Variants in CUL3 observed in about 807,000 individuals in gnomAD.
CUL3 encodes the protein cullin 3, also known as cullin-3.
A neutral mutation model predicts 89.1 loss-of-function variants in CUL3; 19 were observed. The ratio of observed to expected loss-of-function variants is 0.21; its 90% CI spans 0.15 to 0.31. The LOEUF is 0.31. CUL3 is among the 10% of genes least tolerant of loss of function. The pLI is 1.00. For synonymous variants in CUL3, 351 were observed against 308.4 expected (o/e 1.14, Z -1.45); for missense variants, 469 against 942.3 (o/e 0.50, Z 6.58).
chr2:224,505,847 A>C (rs1209388020), intron 8 of CUL3, 109 bp downstream of exon 8: 3 of 661,944 alleles, frequency 4.5e-6, no homozygotes, highest in Non-Finnish European at 7.0e-6. Context: ...CCATTTAAGC[A>C]CAGCAATGGG....
chr2:224,494,219 CTATTT>C (rs1298864887), intron 13 of CUL3, among the ~76,000 whole-genome samples: 1 of 152,072 alleles, frequency 6.6e-6, no homozygotes, highest in Non-Finnish European at 1.5e-5. Context: ...TTCAAACACA[CTATTT>C]TTTTTCTTGT....
intron 1 of CUL3, among the ~76,000 whole-genome samples, chr2:224,577,224 T>A (rs1351403018): frequency 2.0e-5 from 3 of 152,336 alleles, no homozygotes; most frequent in East Asian, 3.9e-4. Context: ...ATTAGCAGTC[T>A]CATTTTACAC....
chr2:224,559,055 C>CA lies in CUL3; in HGVS notation c.67-1200dup, dbSNP rs34682538. Among the ~76,000 whole-genome samples, 216 of 140,864 alleles carry CA rather than the reference C, an allele frequency of 1.5e-3. 1 individual carries two copies. Among genetic ancestry groups the CA allele is most frequent in the Middle Eastern group, 7.5e-3 (2 of 266 alleles). 92.4% of individuals were successfully genotyped at this position (140,864 alleles called of 152,430 possible). A position where few individuals can be genotyped will look rare whatever the true frequency, so the allele number is the denominator to read the frequency against. ...TGGGCAACAGAGCAAGACTCTGTCT[C>CA]AAAAAAAAAAAGAAAGAAAACTCCT... On this transcript the variant is annotated intron_variant, in intron 1 of 15. Coordinates refer to ENST00000264414, the MANE Select transcript of CUL3 (RefSeq NM_003590.5).
chr2:224,509,406 A>G (rs1367301271), intron 6 of CUL3, among the ~76,000 whole-genome samples: 1 of 152,194 alleles, frequency 6.6e-6, no homozygotes, highest in African/African-American at 2.4e-5. Context: ...TCATAGAGAC[A>G]GGGTTTCACC....
intron 13 of CUL3, among the ~76,000 whole-genome samples, chr2:224,483,678 T>C (rs574229219): frequency 1.2e-4 from 18 of 152,222 alleles, no homozygotes; most frequent in Admixed American, 1.0e-3. Flanking sequence ...AATGAGACCA[T>C]AACATGAATT....
intron 13 of CUL3, among the ~76,000 whole-genome samples, chr2:224,494,092 A>T (rs1025491659): frequency 2.6e-5 from 4 of 152,238 alleles, no homozygotes; most frequent in African/African-American, 9.6e-5. Context: ...CTTTAAATAT[A>T]TCACATAAAA....
intron 2 of CUL3, among the ~76,000 whole-genome samples, chr2:224,537,441 C>T (rs1693937342): frequency 6.6e-6 from 1 of 152,172 alleles, no homozygotes; most frequent in Non-Finnish European, 1.5e-5. Flanking sequence ...CTTCAAGTTA[C>T]ATCACCCAGA....
intron 10 of CUL3, 95 bp from the exon 11 acceptor site, chr2:224,500,582 G>C (rs987222345): frequency 3.5e-5 from 39 of 1,102,286 alleles, no homozygotes; most frequent in Admixed American, 7.4e-5. Context: ...AAAGCAGTTA[G>C]CTCCATGTCT....
At chr2:224,502,851 G>T in intron 10 of CUL3, 114 bp downstream of exon 10, 1 of 710,868 alleles carries the variant, frequency 1.4e-6, no homozygotes, top group Non-Finnish European at 2.4e-6. Flanking sequence ...TAAAACACAT[G>T]TTGTCACTAA....
At chr2:224,551,113 G>C (rs568381527) in intron 2 of CUL3, among the ~76,000 whole-genome samples, 23 of 150,738 alleles carry the variant, frequency 1.5e-4, no homozygotes, top group South Asian at 1.5e-3. Flanking sequence ...CTGCAGTGCA[G>C]TAGTTCAGTA....
At chr2:224,549,738 G>A (rs959726439) in intron 2 of CUL3, among the ~76,000 whole-genome samples, 1 of 152,142 alleles carries the variant, frequency 6.6e-6, no homozygotes, top group African/African-American at 2.4e-5. Flanking sequence ...GGAACCTTAT[G>A]AAAGGAGAAT....
chr2:224,532,156 T>C (rs13006563), intron 3 of CUL3, among the ~76,000 whole-genome samples: 28,869 of 152,146 alleles, frequency 0.19, 3,063 homozygotes, highest in South Asian at 0.27. Context: ...GACAAATGCA[T>C]ATATGAGTCT....
chr2:224,541,149 A>G (rs1184027633), intron 2 of CUL3, among the ~76,000 whole-genome samples: 1 of 152,140 alleles, frequency 6.6e-6, no homozygotes, highest in Non-Finnish European at 1.5e-5. Flanking sequence ...TTCTGTAGAC[A>G]CCACTGAGAC....
At chr2:224,511,204 A>G in intron 6 of CUL3, 150 bp downstream of exon 6, 1 of 565,972 alleles carries the variant, frequency 1.8e-6, no homozygotes, top group Non-Finnish European at 3.1e-6. Context: ...AAGCTTGGAA[A>G]TCCCATTAAA....
chr2:224,538,037 T>C (rs1574670450), intron 2 of CUL3, among the ~76,000 whole-genome samples: 2 of 152,356 alleles, frequency 1.3e-5, no homozygotes, highest in East Asian at 3.9e-4. Flanking sequence ...CAATGTGTCA[T>C]AATTGCCTTG....
chr2:224,521,781 T>C (rs1010458307), intron 3 of CUL3, among the ~76,000 whole-genome samples: 9 of 151,692 alleles, frequency 5.9e-5, no homozygotes, highest in Non-Finnish European at 1.3e-4. Flanking sequence ...TGGCCAGCAG[T>C]AGCTATTTAT....
chr2:224,483,537 T>C (rs995079567), intron 13 of CUL3, among the ~76,000 whole-genome samples: 1 of 152,192 alleles, frequency 6.6e-6, no homozygotes, highest in Non-Finnish European at 1.5e-5. Context: ...ACTCTGGTAA[T>C]CAATTGTATA....
chr2:224,503,989 T>C (rs953358282), intron 8 of CUL3, 167 bp from the exon 9 acceptor site: 23 of 524,864 alleles, frequency 4.4e-5, no homozygotes, highest in African/African-American at 1.9e-4. Context: ...CTTCACACAG[T>C]AGCATCATTC....
intron 13 of CUL3, among the ~76,000 whole-genome samples, chr2:224,490,570 C>G (rs1691929905): frequency 6.6e-6 from 1 of 152,046 alleles, no homozygotes; most frequent in Admixed American, 6.6e-5. Flanking sequence ...TACAATCTCT[C>G]GTCTCCGCAC....
Sources: gnomAD v4.1 joint callset for allele counts (sites outside exome capture counted in the v4.1 genomes callset) on GRCh38, gnomAD v4.1.1 for gene constraint, MANE v1.5 for transcripts, NCBI Gene and HGNC (gene_info 2026-07-23, HGNC 2026-07-21) for gene names.